XKR4: variants seen among roughly 807,000 people sequenced by gnomAD.
The protein encoded by XKR4 is XK related 4, also known as XK-related protein 4.
XKR4 carries 12 observed loss-of-function variants against 53.9 expected under a neutral mutation model. The observed-to-expected ratio is 0.22, with a 90% CI of 0.14 to 0.36. The LOEUF (loss-of-function observed/expected upper bound fraction) is 0.36, where lower values mean the gene tolerates loss of function less well. XKR4 is among the 10% of genes least tolerant of loss of function. The pLI is 1.00. For synonymous variants in XKR4, 354 were observed against 362.4 expected, an observed-to-expected ratio of 0.98 and a Z score of 0.26; for missense variants, 799 against 859.5, an observed-to-expected ratio of 0.93 and a Z score of 0.88.
chr8:55,380,108 G>T (rs1007431985), intron 2 of XKR4, among the ~76,000 whole-genome samples: 4 of 152,218 alleles, frequency 2.6e-5, no homozygotes, highest in African/African-American at 9.7e-5. Context: ...GCCTGTCCCT[G>T]CTGTCTGAAT....
chr8:55,268,669 C>T (rs576325367), intron 1 of XKR4, among the ~76,000 whole-genome samples: 8 of 152,156 alleles, frequency 5.3e-5, no homozygotes, highest in Non-Finnish European at 2.9e-5. Flanking sequence ...ACAGCATCAA[C>T]GTTTGTTGGG....
intron 2 of XKR4, among the ~76,000 whole-genome samples, chr8:55,459,901 T>A (rs1343682557): frequency 2.6e-5 from 4 of 152,016 alleles, no homozygotes; most frequent in African/African-American, 9.7e-5. Context: ...TATTAATGTA[T>A]GACCCACTAA....
intron 1 of XKR4, among the ~76,000 whole-genome samples, chr8:55,241,077 TA>T (rs1563490950): frequency 1.3e-5 from 2 of 152,190 alleles, no homozygotes. Context: ...ACATCTACTT[TA>T]AAAAAAGAAA....
chr8:55,352,960 A>G (rs556175647), intron 1 of XKR4, among the ~76,000 whole-genome samples: 1 of 152,366 alleles, frequency 6.6e-6, no homozygotes, highest in African/African-American at 2.4e-5. Context: ...TCTCCCCAGT[A>G]TAGCAAATGG....
rs1419592871 is a variant in XKR4, at chr8:55,536,530, GA to G, written c.*12307del. On this transcript the variant is annotated 3_prime_UTR_variant, in exon 3 of 3. Transcript: ENST00000327381. ...ATGATATCAAACATACGGATATTTG[GA>G]AAAGTCGAGATGTTTGAATCATACA... 1 of 152,158 alleles carries G rather than the reference GA, an allele frequency of 6.6e-6. No homozygotes were observed. Among genetic ancestry groups the G allele is most frequent in the Non-Finnish European group, 1.5e-5 (1 of 68,036 alleles). 9.4% of individuals were successfully genotyped at this position (152,158 alleles called of 1,614,324 possible). A position where few individuals can be genotyped will look rare whatever the true frequency, so the allele number is the denominator to read the frequency against.
intron 1 of XKR4, among the ~76,000 whole-genome samples, chr8:55,175,924 T>C (rs1817227895): frequency 6.6e-6 from 1 of 152,234 alleles, no homozygotes; most frequent in Non-Finnish European, 1.5e-5. Context: ...GTTATTGTTG[T>C]TAGAAGAAAT....
At chr8:55,413,966 T>C (rs1014692574) in intron 2 of XKR4, among the ~76,000 whole-genome samples, 2 of 152,238 alleles carry the variant, frequency 1.3e-5, no homozygotes, top group Non-Finnish European at 2.9e-5. Flanking sequence ...AAATGATATG[T>C]ACCCATTGTT....
intron 2 of XKR4, chr8:55,452,149 T>A (rs1273180503): frequency 2.8e-6 from 2 of 707,376 alleles, no homozygotes; most frequent in Non-Finnish European, 5.0e-6. Context: ...TACCGCAGCT[T>A]ATGCAGCTGC....
chr8:55,330,708 C>G (rs943556221), intron 1 of XKR4, among the ~76,000 whole-genome samples: 4 of 152,164 alleles, frequency 2.6e-5, no homozygotes, highest in African/African-American at 9.7e-5. Flanking sequence ...CATCCAAGCA[C>G]CTTCCATGAG....
intron 2 of XKR4, among the ~76,000 whole-genome samples, chr8:55,361,761 C>G (rs1333315182): frequency 6.6e-6 from 1 of 152,122 alleles, no homozygotes; most frequent in Non-Finnish European, 1.5e-5. Context: ...TGCAACCACG[C>G]TGCGCTCCTC....
At chr8:55,461,049 C>G (rs1308988728) in intron 2 of XKR4, among the ~76,000 whole-genome samples, 1 of 152,254 alleles carries the variant, frequency 6.6e-6, no homozygotes, top group Non-Finnish European at 1.5e-5. Flanking sequence ...ACCTCTGGGA[C>G]AGGGCACAGA....
At chr8:55,448,043 C>A (rs952559867) in intron 2 of XKR4, among the ~76,000 whole-genome samples, 2 of 152,208 alleles carry the variant, frequency 1.3e-5, no homozygotes, top group African/African-American at 4.8e-5. Flanking sequence ...TGCTGGCAAG[C>A]AAACTGCCTG....
At chr8:55,463,115 C>A (rs552739115) in intron 2 of XKR4, among the ~76,000 whole-genome samples, 12 of 152,234 alleles carry the variant, frequency 7.9e-5, no homozygotes, top group African/African-American at 1.7e-4. Flanking sequence ...CAGCTCTACA[C>A]CAAGCAGACC....
chr8:55,406,200 G>A (rs1471558902), intron 2 of XKR4, among the ~76,000 whole-genome samples: 1 of 152,130 alleles, frequency 6.6e-6, no homozygotes, highest in Non-Finnish European at 1.5e-5. Context: ...GGAATTAATG[G>A]GAAAGTTTAA....
chr8:55,464,138 C>T (rs1210685990), intron 2 of XKR4, among the ~76,000 whole-genome samples: 2 of 152,172 alleles, frequency 1.3e-5, no homozygotes, highest in Non-Finnish European at 2.9e-5. Flanking sequence ...TGGCCAGGAT[C>T]ATCCTGATAC....
rs140609245 is a variant in XKR4, at chr8:55,385,005, G to C, written c.1006+27128G>C. Reference sequence around the variant, plus strand: ...TTTGAATGGCCTTAATACAACAATAGTGTAGCCTCTTTTTTTCAAAGTAGG... The same window carrying C: ...TTTGAATGGCCTTAATACAACAATACTGTAGCCTCTTTTTTTCAAAGTAGG... On this transcript the variant is annotated intron_variant, in intron 2 of 2. Coordinates refer to ENST00000327381, the MANE Select transcript of XKR4 (RefSeq NM_052898.2). 4.1e-4 allele frequency among the ~76,000 whole-genome samples: 63 copies of C among 152,242 alleles called. 1 individual carries two copies. The highest frequency in any genetic ancestry group is 1.4e-3 in the African/African-American group (60 of 41,544).
intron 2 of XKR4, among the ~76,000 whole-genome samples, chr8:55,506,040 C>T (rs1394431331): frequency 1.3e-5 from 2 of 152,214 alleles, no homozygotes; most frequent in Admixed American, 1.3e-4. Context: ...AATGCTTTAA[C>T]TTCTAACTGG....
chr8:55,331,333 G>A (rs2129380732), intron 1 of XKR4, among the ~76,000 whole-genome samples: 1 of 152,232 alleles, frequency 6.6e-6, no homozygotes, highest in African/African-American at 2.4e-5. Context: ...TATAATTTCA[G>A]TCCTTTTAAA....
chr8:55,448,692 C>T (rs147342294), intron 2 of XKR4, among the ~76,000 whole-genome samples: 177 of 152,300 alleles, frequency 1.2e-3, no homozygotes, highest in African/African-American at 4.0e-3. Context: ...TAAAGATCTC[C>T]CACATGCCCT....
Sources: allele counts gnomAD v4.1 joint callset (sites outside exome capture counted in the v4.1 genomes callset), GRCh38; gene constraint gnomAD v4.1.1; transcripts MANE v1.5; gene names NCBI Gene and HGNC (gene_info 2026-07-23, HGNC 2026-07-21).